RAB21: variants seen among roughly 807,000 people sequenced by gnomAD.
The protein encoded by RAB21 is RAB21, member RAS oncogene family.
Under a neutral mutation model 33.1 loss-of-function variants are expected in RAB21, and 13 were observed. The ratio of observed to expected loss-of-function variants is 0.39; its 90% CI spans 0.26 to 0.62. The LOEUF is 0.62. RAB21 is among the 20% of genes least tolerant of loss of function. RAB21 has a pLI of 0.48. For missense variants in RAB21, 234 were observed against 279.1 expected, an observed-to-expected ratio of 0.84 and a Z score of 1.15; for synonymous variants, 91 against 103.7, an observed-to-expected ratio of 0.88 and a Z score of 0.74.
Position 71,797,972 on chromosome 12 carries a change from A to G in RAB21, c.*12299A>G, listed in dbSNP as rs2137669698. 6.6e-6 allele frequency: 1 copy of G among 152,360 alleles called. No individual in the cohort carries two copies. The highest frequency in any genetic ancestry group is 2.4e-5 in the African/African-American group (1 of 41,590). The allele number at this position is 152,360 out of a possible 1,614,324, so 9.4% of individuals were successfully genotyped here. ...GTTTAAAGTACCCAAAGAGGTTGTC[A>G]GAGAATTTTTAAAGATTTTAGTGTG... On this transcript the variant is annotated 3_prime_UTR_variant, in exon 7 of 7. Coordinates refer to ENST00000261263, the MANE Select transcript of RAB21 (RefSeq NM_014999.4).
intron 3 of RAB21, among the ~76,000 whole-genome samples, chr12:71,772,579 T>TA (rs1481156644): frequency 6.6e-6 from 1 of 152,042 alleles, no homozygotes; most frequent in Non-Finnish European, 1.5e-5. Context: ...AGCTTTTTTT[T>TA]AAAAAAATTG....
chr12:71,777,515 C>G (rs1354543320), intron 4 of RAB21, among the ~76,000 whole-genome samples: 1 of 152,122 alleles, frequency 6.6e-6, no homozygotes, highest in Non-Finnish European at 1.5e-5. Context: ...TGTTTATTCT[C>G]TCTTCTGTTT....
chr12:71,780,989 A>C (rs1403848933), intron 4 of RAB21, among the ~76,000 whole-genome samples: 1 of 152,156 alleles, frequency 6.6e-6, no homozygotes, highest in Non-Finnish European at 1.5e-5. Context: ...GTGTCCAGCC[A>C]ACTCATCTTA....
At position 71,782,551 on chromosome 12, in the gene RAB21, G is replaced by A. The variant is rs377515923; in HGVS notation, c.447-19G>A. ...TGAATAATATTTTACATCAATCACC[G>A]ATGTTACTTTTTTTTAAGGTATGCA... On this transcript the variant is annotated intron_variant, in intron 5 of 6. Coordinates refer to ENST00000261263, the MANE Select transcript of RAB21 (RefSeq NM_014999.4). 1.3e-4 allele frequency: 201 copies of A among 1,505,246 alleles called. 1 individual carries two copies. The Middle Eastern group carries it at 1.7e-3, about 13-fold the overall frequency. The allele number at this position is 1,505,246 out of a possible 1,614,324, so 93.2% of individuals were successfully genotyped here. A position where few individuals can be genotyped will look rare whatever the true frequency, so the allele number is the denominator to read the frequency against.
chr12:71,773,060 G>A (rs1883067310), intron 3 of RAB21, among the ~76,000 whole-genome samples: 1 of 152,218 alleles, frequency 6.6e-6, no homozygotes, highest in Non-Finnish European at 1.5e-5. Context: ...AGTTCAGTGT[G>A]ATTTGATTAC....
chr12:71,757,626 A>G (rs1422955305), intron 1 of RAB21, among the ~76,000 whole-genome samples: 3 of 152,212 alleles, frequency 2.0e-5, no homozygotes, highest in Non-Finnish European at 4.4e-5. Context: ...AATGTGTCTA[A>G]TCTCTTTCAG....
intron 3 of RAB21, among the ~76,000 whole-genome samples, chr12:71,773,326 T>C (rs1357490153): frequency 6.6e-6 from 1 of 152,230 alleles, no homozygotes; most frequent in Admixed American, 6.5e-5. Context: ...AACTGGCGGA[T>C]GCTCTTGGCA....
intron 4 of RAB21, among the ~76,000 whole-genome samples, chr12:71,777,940 A>C (rs1335256652): frequency 6.6e-6 from 1 of 152,354 alleles, no homozygotes; most frequent in East Asian, 1.9e-4. Flanking sequence ...AGACATGTCA[A>C]CTAGTCTCTT....
Position 71,799,236 on chromosome 12 carries a change from C to G in RAB21, c.*13563C>G, listed in dbSNP as rs536554100. 6.6e-6 allele frequency: 1 copy of G among 152,188 alleles called. No individual in the cohort carries two copies. The highest frequency in any genetic ancestry group is 1.5e-5 in the Non-Finnish European group (1 of 68,036). The allele number at this position is 152,188 out of a possible 1,614,324, so 9.4% of individuals were successfully genotyped here. ...ATGGTGACCAGAGGTTGTAGTTCCCCCAGTGAATCATGTTTGTGTCACTGT... is the reference window on the plus strand; with the variant it reads ...ATGGTGACCAGAGGTTGTAGTTCCCGCAGTGAATCATGTTTGTGTCACTGT... On this transcript the variant is annotated 3_prime_UTR_variant, in exon 7 of 7. Coordinates refer to ENST00000261263, the MANE Select transcript of RAB21 (RefSeq NM_014999.4).
At chr12:71,773,575 T>C (rs1036948315) in intron 3 of RAB21, among the ~76,000 whole-genome samples, 1 of 152,198 alleles carries the variant, frequency 6.6e-6, no homozygotes, top group East Asian at 1.9e-4. Context: ...AGGAATCAAT[T>C]AGGGTATAAA....
chr12:71,766,628 A>G (rs1437235663), intron 1 of RAB21, among the ~76,000 whole-genome samples: 1 of 152,190 alleles, frequency 6.6e-6, no homozygotes, highest in African/African-American at 2.4e-5. Flanking sequence ...ATAAGACAGT[A>G]TAAGCTGCAG....
rs1168901292 is a variant in RAB21 at position 71,789,736 on chromosome 12, A to G, written c.*4063A>G. On this transcript the variant is annotated 3_prime_UTR_variant, in exon 7 of 7. Coordinates refer to ENST00000261263, the MANE Select transcript of RAB21 (RefSeq NM_014999.4). ...TGAACCGCATCTACTTGATTTCATA[A>G]TATGCATTGATTTTAGTATGTTGCT... The G allele has an allele frequency of 6.6e-6, 1 of 152,132 alleles. No individual in the cohort carries two copies. The highest frequency in any genetic ancestry group is 2.4e-5 in the African/African-American group (1 of 41,452). 9.4% of individuals were successfully genotyped at this position (152,132 alleles called of 1,614,324 possible). A position where few individuals can be genotyped will look rare whatever the true frequency, so the allele number is the denominator to read the frequency against.
intron 5 of RAB21, 138 bp downstream of exon 5, chr12:71,782,223 A>G (rs940189699): frequency 1.4e-5 from 12 of 844,574 alleles, no homozygotes; most frequent in Middle Eastern, 4.6e-4. Context: ...GCATGTTTAC[A>G]TGGTAATTTC....
rs754746176 is a variant in RAB21 at position 71,782,549 on chromosome 12, C to G, written c.447-21C>G. 4.7e-6 allele frequency: 7 copies of G among 1,488,712 alleles called. No individual in the cohort carries two copies. In the South Asian group the frequency reaches 8.5e-5, roughly 18 times the overall value. The allele number at this position is 1,488,712 out of a possible 1,614,324, so 92.2% of individuals were successfully genotyped here. ...CATGAATAATATTTTACATCAATCA[C>G]CGATGTTACTTTTTTTTAAGGTATG... On this transcript the variant is annotated intron_variant, in intron 5 of 6. Coordinates refer to ENST00000261263, the MANE Select transcript of RAB21 (RefSeq NM_014999.4).
At position 71,797,209 on chromosome 12, in the gene RAB21, T is replaced by C. The variant is rs1383689518; in HGVS notation, c.*11536T>C. ...TAAGAGAATTTGGACCCATTAAAAA[T>C]GGAGGAAAAGGTAAAGTTAGTATTT... is the stretch of plus-strand genomic sequence containing the variant. On this transcript the variant is annotated 3_prime_UTR_variant, in exon 7 of 7. Transcript: ENST00000261263. 1 of 152,148 alleles carries C rather than the reference T, an allele frequency of 6.6e-6. No individual in the cohort carries two copies. Among genetic ancestry groups the C allele is most frequent in the Non-Finnish European group, 1.5e-5 (1 of 67,994 alleles). The allele number at this position is 152,148 out of a possible 1,614,324, so 9.4% of individuals were successfully genotyped here. A position where few individuals can be genotyped will look rare whatever the true frequency, so the allele number is the denominator to read the frequency against.
chr12:71,790,742 A>G lies in RAB21; in HGVS notation c.*5069A>G, dbSNP rs958337890. The G allele has an allele frequency of 2.0e-5, 3 of 152,146 alleles. No individual in the cohort carries two copies. Among genetic ancestry groups the G allele is most frequent in the Admixed American group, 2.0e-4 (3 of 15,276 alleles). The allele number at this position is 152,146 out of a possible 1,614,324, so 9.4% of individuals were successfully genotyped here. The stretch of plus-strand genomic sequence containing the variant: ...AGTGTTGTGGGTTTTAAATTTTCAC[A>G]TAAATTGTGTCTTACCCATGTGTTT... On this transcript the variant is annotated 3_prime_UTR_variant, in exon 7 of 7. Transcript: ENST00000261263.
chr12:71,758,546 A>G (rs1882823394), intron 1 of RAB21, among the ~76,000 whole-genome samples: 1 of 149,932 alleles, frequency 6.7e-6, no homozygotes. Context: ...TAGTGGTGAT[A>G]TCATAGCTGC....
intron 1 of RAB21, among the ~76,000 whole-genome samples, chr12:71,759,392 G>C (rs1882837070): frequency 6.6e-6 from 1 of 152,222 alleles, no homozygotes. Flanking sequence ...AGCAGAGAGA[G>C]AGGGCCAAGT....
chr12:71,765,095 C>T (rs539081870), intron 1 of RAB21, among the ~76,000 whole-genome samples: 7 of 152,170 alleles, frequency 4.6e-5, no homozygotes, highest in South Asian at 4.1e-4. Context: ...AAAGTGTTCC[C>T]GTTTCATCAC....
Sources: allele counts gnomAD v4.1 joint callset (sites outside exome capture counted in the v4.1 genomes callset), GRCh38; gene constraint gnomAD v4.1.1; transcripts MANE v1.5; gene names NCBI Gene and HGNC (gene_info 2026-07-23, HGNC 2026-07-21).